The following GHR variants were observed in gnomAD, a reference collection of about 807,000 sequenced individuals.
GHR encodes the protein GH receptor.
A neutral mutation model predicts 67.1 loss-of-function variants in GHR; 35 were observed. The ratio of observed to expected loss-of-function variants is 0.52; its 90% CI spans 0.40 to 0.69. The LOEUF (loss-of-function observed/expected upper bound fraction) is 0.69, where lower values mean the gene tolerates loss of function less well. Ranked by LOEUF, GHR falls within the 30% of genes least tolerant of loss-of-function variation. The pLI is 0.00. For synonymous variants in GHR, 272 were observed against 269.1 expected, an observed-to-expected ratio of 1.01 and a Z score of -0.10; for missense variants, 792 against 764.6, an observed-to-expected ratio of 1.04 and a Z score of -0.42.
intron 3 of GHR, among the ~76,000 whole-genome samples, chr5:42,643,300 T>A (rs1477565332): frequency 6.6e-6 from 1 of 152,226 alleles, no homozygotes; most frequent in African/African-American, 2.4e-5. Flanking sequence ...GGCTCTCATC[T>A]GTTTGTGTGC....
intron 1 of GHR, among the ~76,000 whole-genome samples, chr5:42,442,791 A>G (rs903215749): frequency 6.6e-6 from 1 of 152,220 alleles, no homozygotes; most frequent in South Asian, 2.1e-4. Flanking sequence ...CAAGACAAAA[A>G]CACAAACACA....
intron 5 of GHR, among the ~76,000 whole-genome samples, chr5:42,697,662 A>G (rs1461955084): frequency 1.3e-5 from 2 of 152,208 alleles, no homozygotes; most frequent in Non-Finnish European, 2.9e-5. Context: ...TATGAGACCA[A>G]ATCGCACAGA....
chr5:42,491,800 T>G (rs970100678), intron 1 of GHR, among the ~76,000 whole-genome samples: 4 of 152,250 alleles, frequency 2.6e-5, no homozygotes, highest in African/African-American at 9.6e-5. Context: ...AAGGCAAGAT[T>G]TGTGGGTGGG....
chr5:42,580,874 A>G (rs1751129480), intron 2 of GHR, among the ~76,000 whole-genome samples: 1 of 152,218 alleles, frequency 6.6e-6, no homozygotes, highest in Admixed American at 6.5e-5. Flanking sequence ...TTTATGAATT[A>G]TGTTCAGACA....
intron 1 of GHR, among the ~76,000 whole-genome samples, chr5:42,540,699 GC>G (rs1400469883): frequency 9.9e-6 from 1 of 100,778 alleles, no homozygotes; most frequent in Non-Finnish European, 2.0e-5. Context: ...ATCCACCACC[GC>G]CCCCGCTCTC....
chr5:42,481,311 G>T (rs1282936830), intron 1 of GHR, among the ~76,000 whole-genome samples: 1 of 152,154 alleles, frequency 6.6e-6, no homozygotes, highest in South Asian at 2.1e-4. Context: ...CTCTCTGGCT[G>T]CCCTGAACAT....
At chr5:42,474,562 T>C (rs1253822521) in intron 1 of GHR, among the ~76,000 whole-genome samples, 1 of 152,014 alleles carries the variant, frequency 6.6e-6, no homozygotes, top group Non-Finnish European at 1.5e-5. Context: ...AAAGCATATC[T>C]GCGTGTCTGT....
intron 2 of GHR, among the ~76,000 whole-genome samples, chr5:42,617,207 C>G (rs936855442): frequency 6.6e-5 from 10 of 150,704 alleles, no homozygotes; most frequent in African/African-American, 2.4e-4. Context: ...TTTCTGGCTT[C>G]TATAGATCCC....
intron 1 of GHR, among the ~76,000 whole-genome samples, chr5:42,524,588 G>T (rs1004332101): frequency 6.6e-6 from 1 of 152,150 alleles, no homozygotes; most frequent in African/African-American, 2.4e-5. Context: ...ATTCAAGCCG[G>T]CTGCAGAAAT....
At position 42,494,442 on chromosome 5, in the gene GHR, G is replaced by A. The variant is rs184915906; in HGVS notation, c.-12+70487G>A. Among the ~76,000 whole-genome samples, 11 of 152,080 alleles carry A rather than the reference G, an allele frequency of 7.2e-5. No individual in the cohort carries two copies. The East Asian group carries it at 7.7e-4, about 11-fold the overall frequency. On this transcript the variant is annotated intron_variant, in intron 1 of 9. Coordinates refer to ENST00000230882, the MANE Select transcript of GHR (RefSeq NM_000163.5). ...TGTTGAGGAAAAAATGTCTCCTTGC[G>A]TCCTCTTCTGCTTAAAACTCCCCCA...
At chr5:42,515,922 T>A (rs1747217364) in intron 1 of GHR, among the ~76,000 whole-genome samples, 1 of 152,224 alleles carries the variant, frequency 6.6e-6, no homozygotes. Context: ...GGTTTAAATC[T>A]AAGAATAAGC....
intron 3 of GHR, among the ~76,000 whole-genome samples, chr5:42,663,567 A>T (rs1234009174): frequency 6.6e-6 from 1 of 152,230 alleles, no homozygotes; most frequent in Non-Finnish European, 1.5e-5. Context: ...AAAACTCTCA[A>T]TAAATTAGGT....
chr5:42,468,334 C>A, intron 1 of GHR: 1 of 1,557,928 alleles, frequency 6.4e-7, no homozygotes. Flanking sequence ...CTTCTCTGCT[C>A]AGCAGGGGAA....
chr5:42,645,493 A>AAG (rs1405848272), intron 3 of GHR, among the ~76,000 whole-genome samples: 7 of 152,324 alleles, frequency 4.6e-5, no homozygotes, highest in Non-Finnish European at 7.4e-5. Flanking sequence ...TTGAAAACCA[A>AAG]AGAGAGAGAG....
chr5:42,644,811 A>AT (rs1754649878), intron 3 of GHR, among the ~76,000 whole-genome samples: 1 of 152,160 alleles, frequency 6.6e-6, no homozygotes, highest in South Asian at 2.1e-4. Flanking sequence ...TAATTAAACC[A>AT]TATTTTCTAT....
At chr5:42,677,636 C>A (rs1018067988) in intron 3 of GHR, among the ~76,000 whole-genome samples, 4 of 152,180 alleles carry the variant, frequency 2.6e-5, no homozygotes, top group Non-Finnish European at 4.4e-5. Context: ...AACCCGCAAC[C>A]AACAGACTGC....
At chr5:42,564,531 G>T (rs1250898344) in intron 1 of GHR, among the ~76,000 whole-genome samples, 1 of 152,144 alleles carries the variant, frequency 6.6e-6, no homozygotes, top group Non-Finnish European at 1.5e-5. Flanking sequence ...TCAGATACAA[G>T]AAGACAATTT....
At chr5:42,569,487 C>T (rs1348009221) in intron 2 of GHR, among the ~76,000 whole-genome samples, 2 of 151,972 alleles carry the variant, frequency 1.3e-5, no homozygotes, top group South Asian at 2.1e-4. Flanking sequence ...CTTGAAAAAT[C>T]GGTAGCATTT....
At chr5:42,677,484 A>C (rs978389305) in intron 3 of GHR, among the ~76,000 whole-genome samples, 14 of 152,162 alleles carry the variant, frequency 9.2e-5, no homozygotes, top group African/African-American at 3.1e-4. Flanking sequence ...AATATGTAAT[A>C]ATATAGCAAC....
Sources: gnomAD v4.1 joint callset for allele counts (sites outside exome capture counted in the v4.1 genomes callset) on GRCh38, gnomAD v4.1.1 for gene constraint, MANE v1.5 for transcripts, NCBI Gene and HGNC (gene_info 2026-07-23, HGNC 2026-07-21) for gene names.